CUL9: variants seen among roughly 807,000 people sequenced by gnomAD.
CUL9 encodes the protein cullin 9.
In CUL9, 79 loss-of-function variants were observed where a neutral mutation model predicts 272.6. The observed-to-expected ratio is 0.29, with a 90% CI of 0.24 to 0.35. The LOEUF is 0.35. CUL9 is among the 10% of genes least tolerant of loss of function. The probability of loss-of-function intolerance (pLI) is 1.00; values close to 1 mark genes in which losing one functional copy is unlikely to be tolerated. For synonymous variants in CUL9, 1,186 were observed against 1,286.5 expected (o/e 0.92, Z 1.67); for missense variants, 2,532 against 3,255.6 (o/e 0.78, Z 5.41).
At position 43,184,821 on chromosome 6, in the gene CUL9, C is replaced by G; in HGVS notation, c.511C>G (p.Leu171Val). Residue 171 changes from leucine to valine, a missense_variant, in exon 2 of 41, where the codon CTC becomes GTC. Leu to Val is a conservative substitution (Grantham distance 32). This residue lies in a region of CUL9 where 2,218 missense variants were observed against 2,788.6 expected (regional missense o/e 0.80). Transcript: ENST00000252050. The surrounding 1 kb of genome is among the most constrained non-coding windows in gnomAD (Gnocchi z 4.8). Reference protein sequence around the residue: ...VFRETGALDLLMHMLCNPEPQ... With the variant: ...VFRETGALDLVMHMLCNPEPQ... ...CAGGGAGACAGGAGCCCTGGACCTG[C>G]TCATGCACATGTTATGCAATCCTGA... 1 of 1,613,162 alleles carries G rather than the reference C, an allele frequency of 6.2e-7. No homozygotes were observed. The highest frequency in any genetic ancestry group is 8.5e-7 in the Non-Finnish European group (1 of 1,180,038).
At chr6:43,192,059 CTT>C (rs777284621) in intron 8 of CUL9, among the ~76,000 whole-genome samples, 11 of 118,602 alleles carry the variant, frequency 9.3e-5, no homozygotes, top group Admixed American at 9.0e-5. Flanking sequence ...CCCCTTTTCT[CTT>C]TTTTTTTTTT....
At position 43,196,745 on chromosome 6, in the gene CUL9, A is replaced by G. The variant is rs1774033956; in HGVS notation, c.2686A>G (p.Thr896Ala). Residue 896 changes from threonine (T) to alanine (A), a missense_variant, in exon 11 of 41, where the codon ACG becomes GCG. By Grantham distance (58) the Thr-to-Ala change is moderately conservative (BLOSUM62 0). This residue lies in a region of CUL9 where 2,218 missense variants were observed against 2,788.6 expected (regional missense o/e 0.80). Coordinates refer to ENST00000252050, the MANE Select transcript of CUL9 (RefSeq NM_015089.4). Reference sequence around the variant, plus strand: ...GATTATAACCCAAGAGCTGAGAGACACGTTGTTTAGGCACTCAGGGATAGC... The same window carrying G: ...GATTATAACCCAAGAGCTGAGAGACGCGTTGTTTAGGCACTCAGGGATAGC... ...DQIITQELRDTLFRHSGIAPR... is the reference protein window; with the variant it reads ...DQIITQELRDALFRHSGIAPR... 1 of 1,614,072 alleles carries G rather than the reference A, an allele frequency of 6.2e-7. No individual in the cohort carries two copies. Among genetic ancestry groups the G allele is most frequent in the Admixed American group, 1.7e-5 (1 of 60,012 alleles).
In CUL9 at chr6:43,205,256, C is replaced by T. The variant is rs1774956424; in HGVS notation, c.4633-7C>T. 6.2e-7 allele frequency: 1 copy of T among 1,612,084 alleles called. No homozygotes were observed. Among genetic ancestry groups the T allele is most frequent in the African/African-American group, 1.3e-5 (1 of 74,898 alleles). ...TGGTTTGCTCATGCCCTTTCCCCTG[C>T]CCCCAGATGAGTGAGCAGTTTGCCA... is the stretch of plus-strand genomic sequence containing the variant. On this transcript the variant is annotated splice_region_variant and splice_polypyrimidine_tract_variant and intron_variant, in intron 23 of 40. Transcript: ENST00000252050.
chr6:43,185,200 G>A (rs1016255732), intron 2 of CUL9, among the ~76,000 whole-genome samples: 1 of 151,950 alleles, frequency 6.6e-6, no homozygotes, highest in Non-Finnish European at 1.5e-5. Context: ...CAATTTGGTG[G>A]GTTACAACCA....
intron 26 of CUL9, among the ~76,000 whole-genome samples, chr6:43,211,951 A>G (rs750820512): frequency 6.6e-6 from 1 of 152,234 alleles, no homozygotes; most frequent in Non-Finnish European, 1.5e-5. Flanking sequence ...AGGTCCACGC[A>G]TTGCATTTGG....
rs766997290 is a variant in CUL9 at position 43,218,341 on chromosome 6, C to T, written c.6282+1838C>T. Reference sequence around the variant, plus strand: ...AAGCGATTCTTCTGCCTCAGCCTCCCGAGTAGCTGGGACTATAGGCGCCCG... The same window carrying T: ...AAGCGATTCTTCTGCCTCAGCCTCCTGAGTAGCTGGGACTATAGGCGCCCG... On this transcript the variant is annotated intron_variant, in intron 31 of 40. Coordinates refer to ENST00000252050, the MANE Select transcript of CUL9 (RefSeq NM_015089.4). The surrounding 1 kb of genome is among the most constrained non-coding windows in gnomAD (Gnocchi z 4.4). Among the ~76,000 whole-genome samples the T allele has an allele frequency of 8.5e-5, 13 of 152,078 alleles. No individual in the cohort carries two copies. The highest frequency in any genetic ancestry group is 1.9e-4 in the Non-Finnish European group (13 of 68,004).
chr6:43,186,578 T>A, intron 4 of CUL9, 123 bp downstream of exon 4: 1 of 1,365,172 alleles, frequency 7.3e-7, no homozygotes, highest in South Asian at 1.5e-5. Context: ...ATTGGAATGA[T>A]ACAAGGGGGT....
Position 43,222,724 on chromosome 6 carries a change from T to G in CUL9, c.7033-55T>G, listed in dbSNP as rs1776476981. The G allele has an allele frequency of 1.9e-6, 3 of 1,606,216 alleles. No individual in the cohort carries two copies. The Admixed American group carries it at 5.0e-5, about 27-fold the overall frequency. On this transcript the variant is annotated intron_variant, in intron 37 of 40. Coordinates refer to ENST00000252050, the MANE Select transcript of CUL9 (RefSeq NM_015089.4). ...CTTGGCTGCTTTCATCGGACTTGCC[T>G]GGGTGAAGGGAATGAGGAGAGGGCA...
In CUL9 at chr6:43,224,269, C is replaced by T. The variant is rs1562068538; in HGVS notation, c.7378C>T (p.Pro2460Ser). Reference sequence around the variant, plus strand: ...CCCTAGGCCCCAGGCCTCCTCAGGGCCAGAGGCAGAAGAGGAGGAGGAAGA... The same window carrying T: ...CCCTAGGCCCCAGGCCTCCTCAGGGTCAGAGGCAGAAGAGGAGGAGGAAGA... Reference protein sequence around the residue: ...PGSQPQASSGPEAEEEEEDDE... With the variant: ...PGSQPQASSGSEAEEEEEDDE... The change falls in exon 41 of 41, where the codon CCA (proline) becomes TCA (serine). Residue 2460 changes from proline (P) to serine (S), a missense_variant. Pro to Ser is a moderately conservative substitution (Grantham distance 74). Transcript: ENST00000252050. This position sits in a 1 kb window ranked among gnomAD's most constrained non-coding sequence, Gnocchi z 4.2. The T allele has an allele frequency of 9.9e-6, 16 of 1,614,114 alleles. No homozygotes were observed. Among genetic ancestry groups the T allele is most frequent in the Non-Finnish European group, 1.4e-5 (16 of 1,180,012 alleles).
rs144061431 is a variant in CUL9, at chr6:43,204,769, G to A, written c.4361G>A (p.Arg1454Gln). Residue 1454 changes from arginine (R) to glutamine (Q), a missense_variant, in exon 22 of 41, where the codon CGG (arginine) becomes CAG (glutamine). This residue lies in a region of CUL9 where 2,218 missense variants were observed against 2,788.6 expected (regional missense o/e 0.80). Transcript: ENST00000252050. ...ACAGTCAGCAAGAACAGCAAGGGTC[G>A]GGACCGGAGCCCGGCGCCTTCGCCA... ...TRPFSKNSKG[R>Q]DRSPAPSPVL... 2.1e-5 allele frequency: 34 copies of A among 1,614,180 alleles called. No individual in the cohort carries two copies. Among genetic ancestry groups the A allele is most frequent in the African/African-American group, 4.0e-5 (3 of 75,054 alleles).
chr6:43,212,059 G>A (rs779596778), intron 26 of CUL9, among the ~76,000 whole-genome samples: 1 of 152,190 alleles, frequency 6.6e-6, no homozygotes, highest in Admixed American at 6.5e-5. Context: ...TTCATTCACA[G>A]GCTGGATTTT....
At chr6:43,193,269 T>A in intron 9 of CUL9, 61 bp downstream of exon 9, 1 of 1,497,394 alleles carries the variant, frequency 6.7e-7, no homozygotes, top group Non-Finnish European at 9.3e-7. Context: ...TGGGGACTAC[T>A]GATCTTGAGG....
intron 8 of CUL9, 72 bp downstream of exon 8, chr6:43,188,787 C>T: frequency 7.7e-7 from 1 of 1,292,852 alleles, no homozygotes. Flanking sequence ...GGGGAAGGAG[C>T]TTTGAGATCA....
rs1480794635 is a variant in CUL9 at position 43,199,847 on chromosome 6, TC to T, written c.3157-80del. On this transcript the variant is annotated intron_variant, in intron 13 of 40. Coordinates refer to ENST00000252050, the MANE Select transcript of CUL9 (RefSeq NM_015089.4). This position sits in a 1 kb window ranked among gnomAD's most constrained non-coding sequence, Gnocchi z 4.4. ...TCTCCACAATCTCAGCCACGACACT[TC>T]CTTTACTGAACCCTCTCCTCAATCC... is the stretch of plus-strand genomic sequence containing the variant. The T allele has an allele frequency of 4.4e-6, 5 of 1,143,808 alleles. No individual in the cohort carries two copies. Among genetic ancestry groups the T allele is most frequent in the Non-Finnish European group, 6.5e-6 (5 of 764,658 alleles). The allele number at this position is 1,143,808 out of a possible 1,614,324, so 70.9% of individuals were successfully genotyped here.
chr6:43,187,935 G>A lies in CUL9; in HGVS notation c.1804G>A (p.Ala602Thr). The A allele has an allele frequency of 6.2e-7, 1 of 1,614,062 alleles. No individual in the cohort carries two copies. Among genetic ancestry groups the A allele is most frequent in the Non-Finnish European group, 8.5e-7 (1 of 1,180,022 alleles). Residue 602 changes from alanine (A) to threonine (T), a missense_variant, in exon 7 of 41, where the codon GCC becomes ACC. Physicochemically the swap from Ala to Thr is moderately conservative, Grantham distance 58 (BLOSUM62 0). Transcript: ENST00000252050. Reference sequence around the variant, plus strand: ...TCCAGAAGAGGAGTCCAAGTCGGAGGCCAGCTTCTCAGAGGAAGAGACTGA... The same window carrying A: ...TCCAGAAGAGGAGTCCAAGTCGGAGACCAGCTTCTCAGAGGAAGAGACTGA... ...PDPEEESKSE[A>T]SFSEEETESL...
chr6:43,221,118 C>T lies in CUL9; in HGVS notation c.6589-40C>T, dbSNP rs1347108190. On this transcript the variant is annotated intron_variant, in intron 33 of 40. Transcript: ENST00000252050. This position sits in a 1 kb window ranked among gnomAD's most constrained non-coding sequence, Gnocchi z 4.2. The stretch of plus-strand genomic sequence containing the variant: ...CTGTGCACACCAGCCATGCTGCCCT[C>T]ACGGCTCAGCTGTGTCCCCACCATG... 1 of 1,601,532 alleles carries T rather than the reference C, an allele frequency of 6.2e-7. No individual in the cohort carries two copies. Among genetic ancestry groups the T allele is most frequent in the East Asian group, 2.2e-5 (1 of 44,676 alleles).
intron 9 of CUL9, among the ~76,000 whole-genome samples, chr6:43,193,806 T>C (rs751368056): frequency 6.6e-6 from 1 of 152,088 alleles, no homozygotes; most frequent in Non-Finnish European, 1.5e-5. Flanking sequence ...GGAGGAGATA[T>C]GGGGTGAAGG....
chr6:43,190,259 G>A (rs1279013675), intron 8 of CUL9, among the ~76,000 whole-genome samples: 1 of 148,832 alleles, frequency 6.7e-6, no homozygotes, highest in African/African-American at 2.5e-5. Flanking sequence ...TAATTTCCTA[G>A]TTCTGGTAAA....
In CUL9 at chr6:43,213,993, A is replaced by G. The variant is rs1775734399; in HGVS notation, c.5688+81A>G. 1 of 1,373,346 alleles carries G rather than the reference A, an allele frequency of 7.3e-7. No individual in the cohort carries two copies. Among genetic ancestry groups the G allele is most frequent in the East Asian group, 2.3e-5 (1 of 43,654 alleles). 85.1% of individuals were successfully genotyped at this position (1,373,346 alleles called of 1,614,324 possible). On this transcript the variant is annotated intron_variant, in intron 29 of 40. Transcript: ENST00000252050. This position sits in a 1 kb window ranked among gnomAD's most constrained non-coding sequence, Gnocchi z 5.7. ...GGGGATGAACACAGTGAACTCTTTCAATATAAGACTTCTGTAGGGTGACAT... is the reference window on the plus strand; with the variant it reads ...GGGGATGAACACAGTGAACTCTTTCGATATAAGACTTCTGTAGGGTGACAT...
Sources: allele counts gnomAD v4.1 joint callset (sites outside exome capture counted in the v4.1 genomes callset), GRCh38; gene constraint gnomAD v4.1.1; regional missense constraint gnomAD v4.1.1; non-coding constraint Gnocchi (gnomAD v3.1); transcripts MANE v1.5; gene names NCBI Gene and HGNC (gene_info 2026-07-23, HGNC 2026-07-21).